C2: variants seen among roughly 807,000 people sequenced by gnomAD.
The protein encoded by C2 is C3/C5 convertase.
Under a neutral mutation model 85.2 loss-of-function variants are expected in C2, and 64 were observed. The observed-to-expected ratio is 0.75, with a 90% CI of 0.61 to 0.92. The LOEUF is 0.92. Ranked by LOEUF, C2 falls within the 40% of genes least tolerant of loss-of-function variation. C2 has a pLI of 0.00. For missense variants in C2, 820 were observed against 971.6 expected, an observed-to-expected ratio of 0.84 and a Z score of 2.07; for synonymous variants, 311 against 370.8, an observed-to-expected ratio of 0.84 and a Z score of 1.85.
chr6:31,899,666 C>T, upstream of C2: 2 of 511,882 alleles, frequency 3.9e-6, no homozygotes, highest in East Asian at 3.0e-5. Flanking sequence ...ACATGCACTT[C>T]TAAGAGAAGG....
intron 3 of C2, among the ~76,000 whole-genome samples, chr6:31,929,448 C>G (rs1483229862): frequency 6.6e-6 from 1 of 152,110 alleles, no homozygotes. Context: ...CCCTGGAGTG[C>G]GGTGGCTCAC....
At chr6:31,916,918 T>C (rs1016214498), upstream of C2, among the ~76,000 whole-genome samples, 4 of 134,472 alleles carry the variant, frequency 3.0e-5, no homozygotes, top group African/African-American at 1.1e-4. Flanking sequence ...ATGTCTGTAA[T>C]CTGAGCACTT....
chr6:31,927,052 T>C (rs958931157), upstream of C2, among the ~76,000 whole-genome samples: 1 of 152,226 alleles, frequency 6.6e-6, no homozygotes, highest in African/African-American at 2.4e-5. This position sits in a 1 kb window ranked among gnomAD's most constrained non-coding sequence, Gnocchi z 4.7. Flanking sequence ...TACTAGACTT[T>C]CCGTAAAAAT....
Position 31,944,938 on chromosome 6 carries a change from C to T in C2, c.2030-42C>T. On this transcript the variant is annotated intron_variant, in intron 16 of 17. Coordinates refer to ENST00000299367, the MANE Select transcript of C2 (RefSeq NM_000063.6). This position sits in a 1 kb window ranked among gnomAD's most constrained non-coding sequence, Gnocchi z 5.1. ...GCATGCATGCCAGAACACCAGTCCACTGCCCTAGATGACACTGTCTCCTGT... is the reference window on the plus strand; with the variant it reads ...GCATGCATGCCAGAACACCAGTCCATTGCCCTAGATGACACTGTCTCCTGT... 1 of 1,612,928 alleles carries T rather than the reference C, an allele frequency of 6.2e-7. No individual in the cohort carries two copies. The highest frequency in any genetic ancestry group is 8.5e-7 in the Non-Finnish European group (1 of 1,179,862).
chr6:31,944,354 C>T lies in C2; in HGVS notation c.1902+128C>T. 1.4e-6 allele frequency: 1 copy of T among 730,998 alleles called. No homozygotes were observed. The highest frequency in any genetic ancestry group is 2.5e-6 in the Non-Finnish European group (1 of 402,692). The allele number at this position is 730,998 out of a possible 1,614,324, so 45.3% of individuals were successfully genotyped here. On this transcript the variant is annotated intron_variant, in intron 15 of 17. Coordinates refer to ENST00000299367, the MANE Select transcript of C2 (RefSeq NM_000063.6). The surrounding 1 kb of genome is among the most constrained non-coding windows in gnomAD (Gnocchi z 5.1). ...CACCCCTCCTCCCAAGCCTCACAAACCTGCTAGGTGTCCCTGGGTCTGCTT... is the reference window on the plus strand; with the variant it reads ...CACCCCTCCTCCCAAGCCTCACAAATCTGCTAGGTGTCCCTGGGTCTGCTT...
intron 9 of C2, among the ~76,000 whole-genome samples, chr6:31,940,282 G>C (rs2151765249): frequency 6.6e-6 from 1 of 152,250 alleles, no homozygotes; most frequent in East Asian, 1.9e-4. Flanking sequence ...GCATATGTTA[G>C]CCATGACCAC....
In C2 at chr6:31,920,405, G is replaced by A. The variant is rs1768880606; in HGVS notation, c.-100+379G>A. ...TTAGAGAGGAATTTTCAATGAAAGG[G>A]CAGAGGAGGCTAGTGAGGCCCCCAC... is the stretch of plus-strand genomic sequence containing the variant. On this transcript the variant is annotated intron_variant, in intron 1 of 3. Coordinates refer to the C2 transcript ENST00000413154. The surrounding 1 kb of genome is among the most constrained non-coding windows in gnomAD (Gnocchi z 5.6). Among the ~76,000 whole-genome samples the A allele has an allele frequency of 6.6e-6, 1 of 152,130 alleles. No homozygotes were observed. The highest frequency in any genetic ancestry group is 2.1e-4 in the South Asian group (1 of 4,830).
intron 1 of C2, among the ~76,000 whole-genome samples, chr6:31,906,170 C>T (rs1014139959): frequency 7.2e-5 from 11 of 151,952 alleles, no homozygotes; most frequent in African/African-American, 2.7e-4. Context: ...GCCCTCAGCG[C>T]AGGAACCCTG....
intron 7 of C2, 145 bp downstream of exon 7, chr6:31,936,206 C>T: frequency 1.2e-6 from 1 of 853,598 alleles, no homozygotes; most frequent in South Asian, 1.5e-5. Context: ...TTTCAACGTC[C>T]AGGGTTATGG....
At chr6:31,906,779 A>G (rs998402431) in intron 1 of C2, among the ~76,000 whole-genome samples, 1 of 151,788 alleles carries the variant, frequency 6.6e-6, no homozygotes, top group African/African-American at 2.4e-5. Flanking sequence ...AAAATTGTTC[A>G]TTTTATTTTT....
chr6:31,900,773 C>T (rs761947829), upstream of C2: 6 of 1,586,854 alleles, frequency 3.8e-6, no homozygotes, highest in Non-Finnish European at 5.1e-6. The surrounding 1 kb of genome is among the most constrained non-coding windows in gnomAD (Gnocchi z 9.7). Flanking sequence ...CTTCACTGGC[C>T]GCAGGAGTGG....
intron 8 of C2, among the ~76,000 whole-genome samples, chr6:31,937,896 TTG>T (rs1253275043): frequency 7.9e-5 from 12 of 151,876 alleles, no homozygotes; most frequent in Admixed American, 7.9e-4. Flanking sequence ...TCCCAGCTAC[TTG>T]GGAGGCTGAG....
At chr6:31,916,599 G>A (rs1768526271), upstream of C2, among the ~76,000 whole-genome samples, 1 of 150,192 alleles carries the variant, frequency 6.7e-6, no homozygotes, top group Admixed American at 6.7e-5. Context: ...ACTGTTGTGT[G>A]CAGTGGAGTT....
At chr6:31,914,932 A>G (rs1301777612) in intron 1 of C2, among the ~76,000 whole-genome samples, 1 of 152,054 alleles carries the variant, frequency 6.6e-6, no homozygotes, top group Non-Finnish European at 1.5e-5. Flanking sequence ...AACAACAACA[A>G]AAACAATGAA....
chr6:31,913,616 C>T (rs1182194659), intron 1 of C2, among the ~76,000 whole-genome samples: 1 of 152,068 alleles, frequency 6.6e-6, no homozygotes, highest in Non-Finnish European at 1.5e-5. Context: ...AAGACATTGC[C>T]ATCTATACTC....
upstream of C2, among the ~76,000 whole-genome samples, chr6:31,917,901 A>G (rs1768665466): frequency 6.6e-6 from 1 of 152,086 alleles, no homozygotes; most frequent in South Asian, 2.1e-4. Context: ...AAGAGACTCT[A>G]TCTGAAAAAA....
At chr6:31,923,207 C>G (rs1292940498), upstream of C2, among the ~76,000 whole-genome samples, 1 of 152,172 alleles carries the variant, frequency 6.6e-6, no homozygotes, top group African/African-American at 2.4e-5. Context: ...CCCCACAGGT[C>G]AGGTCATGGT....
chr6:31,926,391 G>A (rs1220900441), upstream of C2, among the ~76,000 whole-genome samples: 2 of 150,998 alleles, frequency 1.3e-5, no homozygotes, highest in African/African-American at 4.9e-5. Context: ...GGAATGCAGT[G>A]GCATGATCTT....
rs1181252383 is a variant in C2, at chr6:31,943,528, G to T, written c.1567+1G>T. On this transcript the variant is annotated splice_donor_variant, in intron 12 of 17. Transcript: ENST00000299367. LOFTEE classifies it high-confidence loss of function. The surrounding 1 kb of genome is among the most constrained non-coding windows in gnomAD (Gnocchi z 6.4). ...CACTCCCTGTGGAGGGTCAATGTGG[G>T]TAAGGCAGGGGATGCACCAGCCTCC... 1 of 1,612,138 alleles carries T rather than the reference G, an allele frequency of 6.2e-7. No homozygotes were observed. The highest frequency in any genetic ancestry group is 8.5e-7 in the Non-Finnish European group (1 of 1,179,226).
Sources: gnomAD v4.1 joint callset for allele counts (sites outside exome capture counted in the v4.1 genomes callset) on GRCh38, gnomAD v4.1.1 for gene constraint, Gnocchi (gnomAD v3.1) non-coding constraint, MANE v1.5 for transcripts, NCBI Gene and HGNC (gene_info 2026-07-23, HGNC 2026-07-21) for gene names.